Variants in PTPRN2 observed in about 807,000 individuals in gnomAD.
The protein encoded by PTPRN2 is protein tyrosine phosphatase receptor type N2.
PTPRN2 carries 74 observed loss-of-function variants against 118.8 expected under a neutral mutation model. The ratio of observed to expected loss-of-function variants is 0.62; its 90% CI spans 0.52 to 0.76. The LOEUF (loss-of-function observed/expected upper bound fraction) is 0.76. PTPRN2 is among the 30% of genes least tolerant of loss of function. The pLI is 0.00. For missense variants in PTPRN2, 1,481 were observed against 1,394.4 expected, an observed-to-expected ratio of 1.06 and a Z score of -0.99; for synonymous variants, 641 against 608.0, an observed-to-expected ratio of 1.05 and a Z score of -0.80.
At chr7:158,560,724 C>T (rs938530291) in intron 1 of PTPRN2, among the ~76,000 whole-genome samples, 5 of 152,224 alleles carry the variant, frequency 3.3e-5, no homozygotes, top group African/African-American at 7.2e-5. Context: ...TGAGAACAGA[C>T]ATCAACCATG....
intron 12 of PTPRN2, among the ~76,000 whole-genome samples, chr7:157,722,038 C>A (rs1051573960): frequency 1.3e-5 from 2 of 152,200 alleles, no homozygotes; most frequent in Admixed American, 6.5e-5. Flanking sequence ...CCCCCACCCC[C>A]GGAGCAGCCA....
rs6972212 is a variant in PTPRN2, at chr7:158,159,843, G to A, written c.910+7088C>T. Among the ~76,000 whole-genome samples the A allele has an allele frequency of 7.2e-3, 1,096 of 152,304 alleles. 17 individuals are homozygous for A. Among genetic ancestry groups the A allele is most frequent in the African/African-American group, 0.025 (1,031 of 41,562 alleles). ...AAAAGTAAAGAAATGGAGAAGCAGC[G>A]TATAAATATTACATGCTCATGGCTA... On this transcript the variant is annotated intron_variant, in intron 6 of 22. Coordinates refer to ENST00000389418, the MANE Select transcript of PTPRN2 (RefSeq NM_002847.5).
rs1156912285 is a variant in PTPRN2 at position 158,544,135 on chromosome 7, G to A, written c.112+43423C>T. The stretch of plus-strand genomic sequence containing the variant: ...GGGGGATATGTACACCCGCCTGGGA[G>A]GGGCCAGAACCCAGTCCACACTCTG... On this transcript the variant is annotated intron_variant, in intron 1 of 22. Transcript: ENST00000389418. This position sits in a 1 kb window ranked among gnomAD's most constrained non-coding sequence, Gnocchi z 4.2. 6.6e-6 allele frequency among the ~76,000 whole-genome samples: 1 copy of A among 152,180 alleles called. No individual in the cohort carries two copies. Among genetic ancestry groups the A allele is most frequent in the Non-Finnish European group, 1.5e-5 (1 of 68,036 alleles).
intron 13 of PTPRN2, among the ~76,000 whole-genome samples, chr7:157,657,426 CGCCA>C (rs1795590922): frequency 2.1e-5 from 1 of 47,430 alleles, no homozygotes; most frequent in African/African-American, 6.8e-5. Flanking sequence ...CACACACATA[CGCCA>C]CACACACACA....
At chr7:157,905,677 C>T (rs1797731470) in intron 11 of PTPRN2, among the ~76,000 whole-genome samples, 1 of 152,188 alleles carries the variant, frequency 6.6e-6, no homozygotes, top group Non-Finnish European at 1.5e-5. Context: ...ATAATTTTGC[C>T]TACTCTCTTT....
chr7:157,557,011 A>G (rs1180557203), intron 21 of PTPRN2, among the ~76,000 whole-genome samples: 1 of 151,436 alleles, frequency 6.6e-6, no homozygotes, highest in African/African-American at 2.4e-5. Flanking sequence ...ATGCATGCAC[A>G]CACATATATA....
intron 2 of PTPRN2, among the ~76,000 whole-genome samples, chr7:158,379,240 C>T (rs1039274957): frequency 6.6e-6 from 1 of 152,124 alleles, no homozygotes. Context: ...GCTGCGGACC[C>T]CAGGGTGGGG....
At chr7:158,423,385 G>A (rs1021252359) in intron 2 of PTPRN2, among the ~76,000 whole-genome samples, 3 of 152,198 alleles carry the variant, frequency 2.0e-5, no homozygotes, top group Non-Finnish European at 4.4e-5. Context: ...CCATGACCTC[G>A]TGGGGACACG....
At chr7:158,542,723 A>G (rs1826060609) in intron 1 of PTPRN2, among the ~76,000 whole-genome samples, 1 of 152,106 alleles carries the variant, frequency 6.6e-6, no homozygotes, top group South Asian at 2.1e-4. Flanking sequence ...TTTGTCAAAT[A>G]CTCACAAGGG....
intron 12 of PTPRN2, among the ~76,000 whole-genome samples, chr7:157,812,250 G>T (rs1490812704): frequency 1.3e-5 from 2 of 152,204 alleles, no homozygotes; most frequent in African/African-American, 4.8e-5. Context: ...CCCGTGCTGG[G>T]ACCCTTGGGG....
At chr7:158,351,711 C>T (rs929482657) in intron 2 of PTPRN2, among the ~76,000 whole-genome samples, 1 of 152,116 alleles carries the variant, frequency 6.6e-6, no homozygotes, top group Admixed American at 6.5e-5. Context: ...AGTCCACAGC[C>T]AGTCACGGCC....
At chr7:158,211,375 G>GA (rs1257918167) in intron 3 of PTPRN2, among the ~76,000 whole-genome samples, 2 of 152,014 alleles carry the variant, frequency 1.3e-5, no homozygotes, top group African/African-American at 2.4e-5. Flanking sequence ...CACATCAAGT[G>GA]AAAAAACCTC....
intron 1 of PTPRN2, among the ~76,000 whole-genome samples, chr7:158,535,131 G>C (rs1195234850): frequency 1.3e-5 from 2 of 152,238 alleles, no homozygotes; most frequent in East Asian, 3.8e-4. Flanking sequence ...TTCTGTGGCT[G>C]TTACTCATGT....
intron 15 of PTPRN2, among the ~76,000 whole-genome samples, chr7:157,606,614 G>A (rs956375668): frequency 1.3e-5 from 2 of 152,236 alleles, no homozygotes; most frequent in Non-Finnish European, 2.9e-5. Flanking sequence ...CTTGGTGGCC[G>A]TGGGTCCCCT....
Position 157,632,814 on chromosome 7 carries a change from T to C in PTPRN2, c.2197-11305A>G, listed in dbSNP as rs1274933386. ...GGTAAAATACAGAGATGAATGCTTA[T>C]AAGCAATGGAAAATAATTCAGAGAA... On this transcript the variant is annotated intron_variant, in intron 14 of 22. Coordinates refer to ENST00000389418, the MANE Select transcript of PTPRN2 (RefSeq NM_002847.5). This position sits in a 1 kb window ranked among gnomAD's most constrained non-coding sequence, Gnocchi z 4.3. 1.3e-5 allele frequency among the ~76,000 whole-genome samples: 2 copies of C among 152,254 alleles called. No homozygotes were observed. The highest frequency in any genetic ancestry group is 2.9e-5 in the Non-Finnish European group (2 of 68,040).
Position 158,253,707 on chromosome 7 carries a change from G to C in PTPRN2, c.278-48434C>G, listed in dbSNP as rs143280039. 3.5e-3 allele frequency among the ~76,000 whole-genome samples: 538 copies of C among 152,336 alleles called. 3 individuals are homozygous for C. Among genetic ancestry groups the C allele is most frequent in the Non-Finnish European group, 3.8e-3 (257 of 68,042 alleles). ...ACTTCCTTGAATAACAAGGTGTCCA[G>C]TGCTTTAAAAATACTCTAATGGTGA... On this transcript the variant is annotated intron_variant, in intron 3 of 22. Transcript: ENST00000389418.
chr7:158,096,090 T>C (rs1295448464), intron 10 of PTPRN2, among the ~76,000 whole-genome samples: 1 of 152,226 alleles, frequency 6.6e-6, no homozygotes, highest in Non-Finnish European at 1.5e-5. Flanking sequence ...GTGTTTTTTT[T>C]CCTAACAGCA....
At chr7:157,885,590 T>C (rs2151294979) in intron 12 of PTPRN2, among the ~76,000 whole-genome samples, 1 of 152,342 alleles carries the variant, frequency 6.6e-6, no homozygotes, top group East Asian at 1.9e-4. Context: ...TCAGCGTCCA[T>C]GTCCCTAGCT....
intron 1 of PTPRN2, among the ~76,000 whole-genome samples, chr7:158,577,542 C>A (rs1828403444): frequency 6.7e-6 from 1 of 149,492 alleles, no homozygotes; most frequent in Non-Finnish European, 1.5e-5. Flanking sequence ...GCCTGCACAA[C>A]ACTGAGGGCT....
Sources: gnomAD v4.1 joint callset for allele counts (sites outside exome capture counted in the v4.1 genomes callset) on GRCh38, gnomAD v4.1.1 for gene constraint, Gnocchi (gnomAD v3.1) non-coding constraint, MANE v1.5 for transcripts, NCBI Gene and HGNC (gene_info 2026-07-23, HGNC 2026-07-21) for gene names.